TBX1: variants seen among roughly 807,000 people sequenced by gnomAD.
The protein encoded by TBX1 is T-box transcription factor TBX1.
A neutral mutation model predicts 40.8 loss-of-function variants in TBX1; 16 were observed. The observed-to-expected ratio is 0.39, with a 90% CI of 0.27 to 0.60. The LOEUF is 0.60. Ranked by LOEUF, TBX1 falls within the 20% of genes least tolerant of loss-of-function variation. TBX1 has a pLI of 0.51. For missense variants in TBX1, 755 were observed against 728.5 expected (o/e 1.04, Z -0.42); for synonymous variants, 403 against 336.8 (o/e 1.20, Z -2.15).
downstream of TBX1, among the ~76,000 whole-genome samples, chr22:19,779,797 C>T (rs1038305626): frequency 2.8e-4 from 43 of 152,328 alleles, no homozygotes; most frequent in African/African-American, 1.0e-3. Flanking sequence ...TTCTCTATCG[C>T]GTTCTTATTC....
At chr22:19,781,959 A>C (rs1254740269), downstream of TBX1, among the ~76,000 whole-genome samples, 6 of 102,014 alleles carry the variant, frequency 5.9e-5, no homozygotes, top group African/African-American at 1.6e-4. Flanking sequence ...CCTGTTTCTA[A>C]TTGAGAAAAA....
At chr22:19,774,496 G>A (rs949126924) in intron 8 of TBX1, among the ~76,000 whole-genome samples, 1 of 152,186 alleles carries the variant, frequency 6.6e-6, no homozygotes, top group African/African-American at 2.4e-5. Flanking sequence ...TGAAAGCAGA[G>A]TCTCAAAGAG....
chr22:19,766,976 G>A lies in TBX1; in HGVS notation c.*109G>A. 1 of 1,463,934 alleles carries A rather than the reference G, an allele frequency of 6.8e-7. No homozygotes were observed. The highest frequency in any genetic ancestry group is 9.0e-7 in the Non-Finnish European group (1 of 1,111,404). The allele number at this position is 1,463,934 out of a possible 1,614,324, so 90.7% of individuals were successfully genotyped here. ...AGGAATACGTTCCCCCAGCCCCAGG[G>A]GCCACCGCGGCTCTCCCCTTCCCCA... On this transcript the variant is annotated 3_prime_UTR_variant, in exon 7 of 7. Coordinates refer to ENST00000649276, the MANE Select transcript of TBX1 (RefSeq NM_001379200.1).
downstream of TBX1, chr22:19,767,483 C>G: frequency 2.8e-6 from 2 of 709,450 alleles, no homozygotes; most frequent in Non-Finnish European, 3.5e-6. Context: ...AGCGCCCTGT[C>G]CGCCACGCCT....
In TBX1 at chr22:19,774,370, A is replaced by C. The variant is rs188041923; in HGVS notation, c.1010-4850A>C. 7.5e-4 allele frequency among the ~76,000 whole-genome samples: 115 copies of C among 152,338 alleles called. 1 individual carries two copies. Among genetic ancestry groups the C allele is most frequent in the Admixed American group, 2.6e-3 (40 of 15,306 alleles). On this transcript the variant is annotated intron_variant, in intron 8 of 8. Coordinates refer to the TBX1 transcript ENST00000329705. ...CCAGGCTGCAGTGAGCTACGATCAC[A>C]CCACTCCACGCCAGCCTGAGTGACA...
In TBX1 at chr22:19,764,314, C is replaced by T. The variant is rs367657296; in HGVS notation, c.699C>T (p.Asp233=). The part of the protein sequence containing the change: ...DKLKLTNNLL[D]DNGHIILNSM... Reference sequence around the variant, plus strand: ...TCAAGCTGACCAACAACCTACTGGACGACAACGGCCACGTGAGCGACTGCC... The same window carrying T: ...TCAAGCTGACCAACAACCTACTGGATGACAACGGCCACGTGAGCGACTGCC... The change falls in exon 3 of 7, where the codon GAC becomes GAT. Residue 233 remains aspartate, a synonymous_variant. Coordinates refer to ENST00000649276, the MANE Select transcript of TBX1 (RefSeq NM_001379200.1). 4.2e-5 allele frequency: 68 copies of T among 1,612,196 alleles called. No individual in the cohort carries two copies. Among genetic ancestry groups the T allele is most frequent in the Non-Finnish European group, 5.2e-5 (61 of 1,179,924 alleles).
downstream of TBX1, among the ~76,000 whole-genome samples, chr22:19,782,254 A>T (rs912908049): frequency 1.4e-4 from 22 of 152,356 alleles, no homozygotes; most frequent in African/African-American, 5.0e-4. Context: ...TAGTATGGAT[A>T]TCTTAACAAT....
At chr22:19,768,953 C>CTTTTTTTTTTTTTTTTTTT (rs36085623), downstream of TBX1, among the ~76,000 whole-genome samples, 641 of 66,098 alleles carry the variant, frequency 9.7e-3, 97 homozygotes, top group Non-Finnish European at 0.012. Flanking sequence ...TGTTCGCATT[C>CTTTTTTTTTTTTTTTTTTT]TTTTTTTTTT....
downstream of TBX1, chr22:19,779,573 G>A (rs1354152979): frequency 1.5e-5 from 21 of 1,447,542 alleles, no homozygotes; most frequent in South Asian, 4.3e-5. Context: ...CACACTCCCA[G>A]TTGATAAATC....
At chr22:19,757,687 C>T (rs2013807653), upstream of TBX1, among the ~76,000 whole-genome samples, 1 of 152,210 alleles carries the variant, frequency 6.6e-6, no homozygotes, top group African/African-American at 2.4e-5. Flanking sequence ...CTCCACGGGA[C>T]TGTCCTTCCT....
chr22:19,763,706 C>T, intron 2 of TBX1: 1 of 403,388 alleles, frequency 2.5e-6, no homozygotes, highest in South Asian at 2.8e-5. Context: ...AACTCTGGAT[C>T]CTGGAGCTGG....
At chr22:19,779,277 A>G in exon 9 of TBX1, 1 of 1,614,228 alleles carries the variant, frequency 6.2e-7, no homozygotes, top group Non-Finnish European at 8.5e-7. Flanking sequence ...AACACACCAG[A>G]GAGAGAAGTG....
At chr22:19,757,005 G>C (rs980671057), upstream of TBX1, among the ~76,000 whole-genome samples, 8 of 152,220 alleles carry the variant, frequency 5.3e-5, no homozygotes, top group African/African-American at 1.9e-4. Flanking sequence ...GGAGGCGGTG[G>C]AGGCGGCGGC....
At chr22:19,763,636 A>G (rs1601288296) in intron 2 of TBX1, 4 of 473,504 alleles carry the variant, frequency 8.4e-6, no homozygotes, top group South Asian at 7.2e-5. Flanking sequence ...GGACTTCTTC[A>G]AGTCTCCCTC....
At chr22:19,779,318 A>T in exon 9 of TBX1, 1 of 1,614,192 alleles carries the variant, frequency 6.2e-7, no homozygotes, top group Non-Finnish European at 8.5e-7. Context: ...TGGCTGTGTG[A>T]ACCTGGGGCT....
intron 4 of TBX1, among the ~76,000 whole-genome samples, chr22:19,765,401 T>C (rs1936798282): frequency 6.6e-6 from 1 of 152,138 alleles, no homozygotes; most frequent in Non-Finnish European, 1.5e-5. Context: ...AGGGGCCTGA[T>C]CTGAGGTTTA....
In TBX1 at chr22:19,764,919, G is replaced by A. The variant is rs376968758; in HGVS notation, c.712-39G>A. On this transcript the variant is annotated intron_variant, in intron 3 of 6. Coordinates refer to ENST00000649276, the MANE Select transcript of TBX1 (RefSeq NM_001379200.1). ...GCTCCCACCCCAGATCCTCAGCCCA[G>A]CCCCACCGCTGGAGCTGATTCCCCA... 6 of 1,612,948 alleles carry A rather than the reference G, an allele frequency of 3.7e-6. No individual in the cohort carries two copies. In the Middle Eastern group the frequency reaches 5.0e-4, roughly 133 times the overall value.
chr22:19,763,489 C>A, intron 2 of TBX1, 147 bp downstream of exon 2: 1 of 698,354 alleles, frequency 1.4e-6, no homozygotes, highest in Non-Finnish European at 2.5e-6. Flanking sequence ...GCTCCCTCCT[C>A]CACTCCCATC....
At chr22:19,767,904 G>A (rs1420740234), downstream of TBX1, among the ~76,000 whole-genome samples, 1 of 152,224 alleles carries the variant, frequency 6.6e-6, no homozygotes, top group East Asian at 1.9e-4. Flanking sequence ...TCCCTCCTTA[G>A]TGACTTTATT....
Sources: allele counts gnomAD v4.1 joint callset (sites outside exome capture counted in the v4.1 genomes callset), GRCh38; gene constraint gnomAD v4.1.1; transcripts MANE v1.5; gene names NCBI Gene and HGNC (gene_info 2026-07-23, HGNC 2026-07-21).